ZMAT4: variants seen among roughly 807,000 people sequenced by gnomAD.
ZMAT4 encodes the protein zinc finger matrin-type 4.
In ZMAT4, 17 loss-of-function variants were observed where a neutral mutation model predicts 28.7. The ratio of observed to expected loss-of-function variants is 0.59; its 90% CI spans 0.41 to 0.89. The LOEUF (loss-of-function observed/expected upper bound fraction) is 0.89, where lower values mean the gene tolerates loss of function less well. ZMAT4 is among the 40% of genes least tolerant of loss of function. The pLI is 0.00. For synonymous variants in ZMAT4, 117 were observed against 109.2 expected (o/e 1.07, Z -0.44); for missense variants, 240 against 283.8 (o/e 0.85, Z 1.11).
At chr8:40,834,596 A>G (rs1388056381) in intron 1 of ZMAT4, among the ~76,000 whole-genome samples, 1 of 152,154 alleles carries the variant, frequency 6.6e-6, no homozygotes, top group South Asian at 2.1e-4. Context: ...AGCAGGGAAC[A>G]AGGTTCTGAT....
rs370736983 is a variant in ZMAT4, at chr8:40,700,643, C to T, written c.193-3242G>A. Reference sequence around the variant, plus strand: ...TACAACCTGTTTTCCGGGCTGGCCTCGAACTCCTAGGCTCAAGCAATGCTC... The same window carrying T: ...TACAACCTGTTTTCCGGGCTGGCCTTGAACTCCTAGGCTCAAGCAATGCTC... On this transcript the variant is annotated intron_variant, in intron 3 of 6. Coordinates refer to ENST00000297737, the MANE Select transcript of ZMAT4 (RefSeq NM_024645.3). Among the ~76,000 whole-genome samples, 16 of 152,022 alleles carry T rather than the reference C, an allele frequency of 1.1e-4. No homozygotes were observed. In the East Asian group the frequency reaches 2.1e-3, roughly 20 times the overall value.
intron 2 of ZMAT4, among the ~76,000 whole-genome samples, chr8:40,814,544 AC>A (rs1425637369): frequency 6.6e-6 from 1 of 152,240 alleles, no homozygotes; most frequent in Non-Finnish European, 1.5e-5. Flanking sequence ...TATCAAGGCT[AC>A]CAAGGGTTAT....
At chr8:40,835,253 C>A (rs1816434042) in intron 1 of ZMAT4, among the ~76,000 whole-genome samples, 1 of 152,110 alleles carries the variant, frequency 6.6e-6, no homozygotes, top group Non-Finnish European at 1.5e-5. Flanking sequence ...GATCACTAGC[C>A]TGCAAAGAGA....
chr8:40,824,494 A>T (rs978546112), intron 2 of ZMAT4, among the ~76,000 whole-genome samples: 2 of 151,986 alleles, frequency 1.3e-5, no homozygotes, highest in African/African-American at 4.8e-5. Context: ...AAAGAAAGAA[A>T]TTCATGTTCC....
rs1014424053 is a variant in ZMAT4, at chr8:40,672,529, C to A, written c.577+2175G>T. Among the ~76,000 whole-genome samples, 6 of 152,104 alleles carry A rather than the reference C, an allele frequency of 3.9e-5. No homozygotes were observed. In the East Asian group the frequency reaches 5.8e-4, roughly 15 times the overall value. On this transcript the variant is annotated intron_variant, in intron 5 of 6. Transcript: ENST00000297737. ...ACATTGAGTTATCGAGTCAAAGCAG[C>A]CTTTTTGTCTTCTGTATGAAAGACA...
chr8:40,857,804 A>G (rs1344514220), intron 1 of ZMAT4, among the ~76,000 whole-genome samples: 1 of 152,244 alleles, frequency 6.6e-6, no homozygotes, highest in Non-Finnish European at 1.5e-5. Flanking sequence ...ACACTTTGGT[A>G]TATGTATACA....
At chr8:40,749,165 C>CT in intron 3 of ZMAT4, among the ~76,000 whole-genome samples, 1 of 152,172 alleles carries the variant, frequency 6.6e-6, no homozygotes, top group Admixed American at 6.5e-5. Flanking sequence ...ATTACCCAGT[C>CT]TTGGGTATGT....
At chr8:40,689,122 T>C (rs1288893099) in intron 4 of ZMAT4, among the ~76,000 whole-genome samples, 2 of 152,236 alleles carry the variant, frequency 1.3e-5, no homozygotes, top group South Asian at 4.1e-4. Flanking sequence ...TTCTTTTCCA[T>C]GGTCTAGGTT....
chr8:40,756,828 C>T (rs1002548903), intron 3 of ZMAT4, among the ~76,000 whole-genome samples: 2 of 151,994 alleles, frequency 1.3e-5, no homozygotes, highest in Admixed American at 1.3e-4. Flanking sequence ...ATTTTACGTA[C>T]GTTTCTGTTA....
intron 3 of ZMAT4, among the ~76,000 whole-genome samples, chr8:40,731,697 C>T (rs1210222540): frequency 6.6e-6 from 1 of 152,086 alleles, no homozygotes; most frequent in African/African-American, 2.4e-5. Context: ...TCAAAGACTA[C>T]AGGGAAGACA....
rs77213111 is a variant in ZMAT4, at chr8:40,685,022, C to T, written c.350-10091G>A. Among the ~76,000 whole-genome samples, 73 of 152,078 alleles carry T rather than the reference C, an allele frequency of 4.8e-4. 2 individuals carry two copies. The South Asian group carries it at 0.011, about 23-fold the overall frequency. On this transcript the variant is annotated intron_variant, in intron 4 of 6. Coordinates refer to ENST00000297737, the MANE Select transcript of ZMAT4 (RefSeq NM_024645.3). ...GTTTGCAAGCTATGAAAATTGGCTG[C>T]GTTTTGTATTTAAATGATGAATATT...
At position 40,761,563 on chromosome 8, in the gene ZMAT4, G is replaced by A. The variant is rs183314501; in HGVS notation, c.192+6078C>T. On this transcript the variant is annotated intron_variant, in intron 3 of 6. Transcript: ENST00000297737. ...GATCATCAACTTCATTAGAGGCAGG[G>A]CCACACAAATTAGCCCTTGATTGTT... 2.7e-3 allele frequency among the ~76,000 whole-genome samples: 413 copies of A among 152,294 alleles called. 2 individuals carry two copies. The highest frequency in any genetic ancestry group is 9.2e-3 in the African/African-American group (381 of 41,572).
chr8:40,592,955 T>C (rs1804947087), intron 5 of ZMAT4, among the ~76,000 whole-genome samples: 1 of 152,158 alleles, frequency 6.6e-6, no homozygotes, highest in African/African-American at 2.4e-5. Context: ...TAAGAAAACA[T>C]AAATAAATAG....
At chr8:40,807,204 G>A (rs1563497791) in intron 2 of ZMAT4, among the ~76,000 whole-genome samples, 2 of 151,726 alleles carry the variant, frequency 1.3e-5, no homozygotes. Flanking sequence ...CACTTTGGGA[G>A]GCTAAGGCAG....
chr8:40,656,986 T>C (rs1269396314), intron 5 of ZMAT4, among the ~76,000 whole-genome samples: 7 of 152,156 alleles, frequency 4.6e-5, no homozygotes, highest in African/African-American at 1.7e-4. Context: ...TACTTCAAAA[T>C]GGTAAATGTT....
intron 3 of ZMAT4, among the ~76,000 whole-genome samples, chr8:40,727,205 C>T (rs2150523032): frequency 6.6e-6 from 1 of 152,264 alleles, no homozygotes; most frequent in African/African-American, 2.4e-5. Flanking sequence ...CTGGTTTGTG[C>T]TTCTGCCTAA....
intron 6 of ZMAT4, among the ~76,000 whole-genome samples, chr8:40,574,356 T>A (rs932442244): frequency 6.6e-6 from 1 of 152,098 alleles, no homozygotes; most frequent in Admixed American, 6.6e-5. Flanking sequence ...AAAATTTATA[T>A]TTGTAAGTAT....
intron 3 of ZMAT4, among the ~76,000 whole-genome samples, chr8:40,739,139 C>T (rs939712986): frequency 1.8e-4 from 27 of 152,172 alleles, no homozygotes; most frequent in Middle Eastern, 6.8e-3. Context: ...TAATGTGGAA[C>T]GTGGGTGGAT....
intron 2 of ZMAT4, among the ~76,000 whole-genome samples, chr8:40,794,172 T>C (rs1477700193): frequency 3.9e-5 from 6 of 152,174 alleles, no homozygotes; most frequent in Non-Finnish European, 7.3e-5. Flanking sequence ...TGATGCATAA[T>C]GTGGTGCAGA....
Sources: allele counts gnomAD v4.1 joint callset (sites outside exome capture counted in the v4.1 genomes callset), GRCh38; gene constraint gnomAD v4.1.1; transcripts MANE v1.5; gene names NCBI Gene and HGNC (gene_info 2026-07-23, HGNC 2026-07-21).